The following ZNF519 variants were observed in gnomAD, a reference collection of about 807,000 sequenced individuals.
ZNF519 encodes similar to Zinc finger protein 85 (Zinc finger protein HPF4) (HTF1).
A neutral mutation model predicts 7.4 loss-of-function variants in ZNF519; 7 were observed. The observed-to-expected ratio is 0.94, with a 90% CI of 0.54 to 1.77. The LOEUF is 1.77. Ranked by LOEUF, ZNF519 falls within the 40% of genes most tolerant of loss-of-function variation. The pLI is 0.00. For missense variants in ZNF519, 586 were observed against 623.1 expected, an observed-to-expected ratio of 0.94 and a Z score of 0.63; for synonymous variants, 179 against 203.3, an observed-to-expected ratio of 0.88 and a Z score of 1.02.
rs143444225 is a variant in ZNF519, at chr18:14,106,283, T to C, written c.257A>G (p.Glu86Gly). 4 of 1,613,454 alleles carry C rather than the reference T, an allele frequency of 2.5e-6. No individual in the cohort carries two copies. The highest frequency in any genetic ancestry group is 3.4e-6 in the Non-Finnish European group (4 of 1,179,890). Residue 86 changes from glutamate to glycine, a missense_variant, in exon 3 of 3, where the codon GAA (glutamate) becomes GGA (glycine). Transcript: ENST00000590202. ...LENICLWKNW[E>G]SIGEGEGQKE... ...TTGTCCTTCACCTTCACCTATACTT[T>C]CCCAGTTTTTCCATAAGCATATATT...
At chr18:14,127,940 T>A (rs1445924335) in intron 1 of ZNF519, among the ~76,000 whole-genome samples, 1 of 151,448 alleles carries the variant, frequency 6.6e-6, no homozygotes, top group Non-Finnish European at 1.5e-5. Flanking sequence ...TAACATCTAG[T>A]AATGCTGGAC....
At chr18:14,114,663 T>TG (rs2046237317) in intron 2 of ZNF519, among the ~76,000 whole-genome samples, 1 of 151,998 alleles carries the variant, frequency 6.6e-6, no homozygotes. Context: ...GAAAGTATAG[T>TG]GGGGGGTTGG....
At chr18:14,121,044 A>G (rs1454572502) in intron 2 of ZNF519, among the ~76,000 whole-genome samples, 1 of 152,088 alleles carries the variant, frequency 6.6e-6, no homozygotes, top group African/African-American at 2.4e-5. Context: ...ACATGGATAC[A>G]CCTGGAGGAC....
chr18:14,094,256 C>T (rs2046125446), intron 2 of ZNF519, among the ~76,000 whole-genome samples: 1 of 152,162 alleles, frequency 6.6e-6, no homozygotes, highest in South Asian at 2.1e-4. Flanking sequence ...AATAGTGTTG[C>T]CCACACTAAC....
At chr18:14,075,491 A>G (rs1169075639), downstream of ZNF519, 1 of 152,208 alleles carries the variant, frequency 6.6e-6, no homozygotes, top group Non-Finnish European at 1.5e-5. Flanking sequence ...GAACATAGAA[A>G]ACAAGTTTGT....
chr18:14,117,570 A>G (rs538708237), intron 2 of ZNF519, among the ~76,000 whole-genome samples: 1 of 152,306 alleles, frequency 6.6e-6, no homozygotes, highest in South Asian at 2.1e-4. Flanking sequence ...TATTCACTGT[A>G]TTCGTTTATT....
chr18:14,105,143 C>T lies in ZNF519; in HGVS notation c.1397G>A (p.Gly466Asp), dbSNP rs1598515428. 2 of 1,613,842 alleles carry T rather than the reference C, an allele frequency of 1.2e-6. No homozygotes were observed. The highest frequency in any genetic ancestry group is 1.3e-5 in the African/African-American group (1 of 75,012). The change falls in exon 3 of 3, where the codon GGC (glycine) becomes GAC (aspartate). Residue 466 changes from glycine to aspartate, a missense_variant. Gly to Asp is a moderately conservative substitution (Grantham distance 94). Coordinates refer to ENST00000590202, the MANE Select transcript of ZNF519 (RefSeq NM_145287.4). The part of the protein sequence containing the change: ...GEKSFKCEEC[G>D]KAFIWGSHLT... ...GTGTGAGCCCCAGATAAAAGCTTTG[C>T]CACATTCTTCACATTTGAAAGACTT...
chr18:14,077,783 G>C (rs1216514465), intron 4 of ZNF519, among the ~76,000 whole-genome samples: 1 of 152,110 alleles, frequency 6.6e-6, no homozygotes, highest in East Asian at 1.9e-4. Context: ...ATGCTTCCTT[G>C]ATGTGTTCCC....
chr18:14,123,067 CT>C, intron 2 of ZNF519: 1 of 176,952 alleles, frequency 5.7e-6, no homozygotes. Flanking sequence ...CCTTCTTGAC[CT>C]TTGGTCCCCT....
chr18:14,124,979 G>A (rs2046290808), intron 1 of ZNF519, among the ~76,000 whole-genome samples: 1 of 152,154 alleles, frequency 6.6e-6, no homozygotes, highest in Non-Finnish European at 1.5e-5. Flanking sequence ...GCTTCAATGT[G>A]CATATAAATT....
At chr18:14,076,146 C>A (rs970134721) in exon 5 of ZNF519, 3 of 152,102 alleles carry the variant, frequency 2.0e-5, no homozygotes, top group Non-Finnish European at 4.4e-5. Context: ...CCACTATGTG[C>A]CTCAACCTTG....
chr18:14,105,995 T>C lies in ZNF519; in HGVS notation c.545A>G (p.Asn182Ser), dbSNP rs774520470. The change falls in exon 3 of 3, where the codon AAT becomes AGT. Residue 182 changes from asparagine (N) to serine (S), a missense_variant. Physicochemically the swap from Asn to Ser is conservative, Grantham distance 46 (BLOSUM62 1). Coordinates refer to ENST00000590202, the MANE Select transcript of ZNF519 (RefSeq NM_145287.4). ...AAATACTTTTTCACATTCATTACAA[T>C]TGTAATAGTTTTCTAGAAAATGAGT... ...HSTHFLENYYNCNECEKVFYQ... is the reference protein window; with the variant it reads ...HSTHFLENYYSCNECEKVFYQ... 2 of 1,580,742 alleles carry C rather than the reference T, an allele frequency of 1.3e-6. No individual in the cohort carries two copies. The highest frequency in any genetic ancestry group is 1.7e-6 in the Non-Finnish European group (2 of 1,159,590).
At chr18:14,118,614 AGG>A (rs1406036082) in intron 2 of ZNF519, among the ~76,000 whole-genome samples, 1 of 152,214 alleles carries the variant, frequency 6.6e-6, no homozygotes. Flanking sequence ...GCCCTCACCC[AGG>A]TGGCAAACTG....
At chr18:14,092,400 C>T (rs1191419418) in intron 2 of ZNF519, among the ~76,000 whole-genome samples, 1 of 152,066 alleles carries the variant, frequency 6.6e-6, no homozygotes, top group Non-Finnish European at 1.5e-5. Flanking sequence ...GTCAAAATAT[C>T]AAGTAATCAG....
intron 2 of ZNF519, among the ~76,000 whole-genome samples, chr18:14,118,060 G>A (rs72879748): frequency 0.2 from 30,629 of 151,924 alleles, 3,379 homozygotes; most frequent in Middle Eastern, 0.24. Context: ...TATATACAAT[G>A]AAATATTCTT....
intron 2 of ZNF519, among the ~76,000 whole-genome samples, chr18:14,107,819 A>G (rs1384991697): frequency 6.6e-6 from 1 of 152,140 alleles, no homozygotes; most frequent in Non-Finnish European, 1.5e-5. Context: ...TGGTGATGGT[A>G]GCAATGGGAT....
chr18:14,117,535 T>G lies in ZNF519; in HGVS notation c.130+6815A>C, dbSNP rs192181831. ...GCAGAGTATACTTGAAAGAAATATT[T>G]GCACATCCATGTTCATTGCAGCAAT... On this transcript the variant is annotated intron_variant, in intron 2 of 2. Transcript: ENST00000590202. Among the ~76,000 whole-genome samples, 485 of 152,288 alleles carry G rather than the reference T, an allele frequency of 3.2e-3. 2 individuals are homozygous for G. Among genetic ancestry groups the G allele is most frequent in the Admixed American group, 8.0e-3 (123 of 15,288 alleles).
rs2046160467 is a variant in ZNF519 at position 14,101,444 on chromosome 18, T to A, written c.*3473A>T. On this transcript the variant is annotated 3_prime_UTR_variant, in exon 3 of 3. Coordinates refer to ENST00000590202, the MANE Select transcript of ZNF519 (RefSeq NM_145287.4). ...GTAAAATATAAATAATTTTCCTAGA[T>A]ATTCTTACAAATATGTGAAAGCCGA... The A allele has an allele frequency of 2.6e-6, 1 of 383,938 alleles. No homozygotes were observed. The highest frequency in any genetic ancestry group is 4.6e-6 in the Non-Finnish European group (1 of 217,600). 23.8% of individuals were successfully genotyped at this position (383,938 alleles called of 1,614,324 possible).
At chr18:14,079,817 A>G (rs548382154) in intron 3 of ZNF519, among the ~76,000 whole-genome samples, 19 of 152,342 alleles carry the variant, frequency 1.2e-4, no homozygotes, top group Admixed American at 2.6e-4. Context: ...GATAGCACAC[A>G]GGAATTATAG....
Sources: gnomAD v4.1 joint callset for allele counts (sites outside exome capture counted in the v4.1 genomes callset) on GRCh38, gnomAD v4.1.1 for gene constraint, MANE v1.5 for transcripts, NCBI Gene and HGNC (gene_info 2026-07-23, HGNC 2026-07-21) for gene names.